The following SLC24A3 variants were observed in gnomAD, a reference collection of about 807,000 sequenced individuals.
SLC24A3 encodes solute carrier family 24 member 3.
In SLC24A3, 28 loss-of-function variants were observed where a neutral mutation model predicts 75.8. The ratio of observed to expected loss-of-function variants is 0.37; its 90% CI spans 0.27 to 0.51. SLC24A3 has a LOEUF of 0.51. Among genes scored for constraint, SLC24A3 ranks in the 20% least tolerant of loss-of-function variants. SLC24A3 has a pLI of 0.94. For missense variants in SLC24A3, 663 were observed against 847.8 expected (o/e 0.78, Z 2.71); for synonymous variants, 372 against 334.1 (o/e 1.11, Z -1.24).
intron 1 of SLC24A3, among the ~76,000 whole-genome samples, chr20:19,223,945 C>G (rs1184456928): frequency 7.2e-5 from 11 of 152,180 alleles, no homozygotes; most frequent in Non-Finnish European, 1.6e-4. Flanking sequence ...AGCATGACAA[C>G]TTGAGATTTT....
chr20:19,320,309 T>C (rs1380220416), intron 2 of SLC24A3, among the ~76,000 whole-genome samples: 1 of 152,228 alleles, frequency 6.6e-6, no homozygotes, highest in African/African-American at 2.4e-5. Context: ...GAAATTAACA[T>C]GAGGGGATGC....
chr20:19,406,724 T>C (rs1329999440), intron 2 of SLC24A3, among the ~76,000 whole-genome samples: 3 of 152,090 alleles, frequency 2.0e-5, no homozygotes, highest in African/African-American at 7.2e-5. Flanking sequence ...GCAGTAGACA[T>C]CACAGCGTGC....
At chr20:19,571,926 C>G (rs1373008596) in intron 3 of SLC24A3, among the ~76,000 whole-genome samples, 3 of 152,136 alleles carry the variant, frequency 2.0e-5, no homozygotes, top group Admixed American at 1.3e-4. Flanking sequence ...AATGTGGGCT[C>G]TCTCAGAAGC....
At chr20:19,420,532 G>A (rs1986900155) in intron 2 of SLC24A3, among the ~76,000 whole-genome samples, 3 of 147,538 alleles carry the variant, frequency 2.0e-5, no homozygotes, top group African/African-American at 7.6e-5. Context: ...TAACTGGTGT[G>A]AGATGATATT....
chr20:19,325,796 A>T (rs1984840502), intron 2 of SLC24A3, among the ~76,000 whole-genome samples: 1 of 46,794 alleles, frequency 2.1e-5, no homozygotes, highest in Non-Finnish European at 3.8e-5. Context: ...ATATATATAT[A>T]GAGAGAGAGA....
At position 19,298,125 on chromosome 20, in the gene SLC24A3, C is replaced by T. The variant is rs143053181; in HGVS notation, c.271+17038C>T. Among the ~76,000 whole-genome samples the T allele has an allele frequency of 3.1e-3, 474 of 152,360 alleles. 2 individuals carry two copies. Among genetic ancestry groups the T allele is most frequent in the African/African-American group, 0.011 (458 of 41,578 alleles). On this transcript the variant is annotated intron_variant, in intron 2 of 16. Transcript: ENST00000328041. ...TCAGTGGCCAGCAGCCTCTTCATTA[C>T]AGACACAGCATCAGAGAGAGAAAAC...
chr20:19,490,047 G>A (rs1988186994), intron 2 of SLC24A3, among the ~76,000 whole-genome samples: 1 of 152,142 alleles, frequency 6.6e-6, no homozygotes, highest in African/African-American at 2.4e-5. Context: ...CTGTTTCTGT[G>A]TTTGTAAACT....
intron 6 of SLC24A3, among the ~76,000 whole-genome samples, chr20:19,629,320 CA>C (rs1482048715): frequency 2.0e-5 from 3 of 152,176 alleles, no homozygotes; most frequent in African/African-American, 7.2e-5. Flanking sequence ...AAAGAATCAG[CA>C]AACTTCAAGA....
chr20:19,523,247 G>A (rs1294871558), intron 3 of SLC24A3, among the ~76,000 whole-genome samples: 1 of 152,154 alleles, frequency 6.6e-6, no homozygotes, highest in Non-Finnish European at 1.5e-5. Flanking sequence ...AAATTTGAGG[G>A]GACCTGCATG....
intron 1 of SLC24A3, among the ~76,000 whole-genome samples, chr20:19,255,452 G>C (rs189454400): frequency 6.6e-6 from 1 of 152,316 alleles, no homozygotes; most frequent in East Asian, 1.9e-4. Flanking sequence ...GACTTCCATG[G>C]ATGTCTGTTT....
intron 2 of SLC24A3, among the ~76,000 whole-genome samples, chr20:19,349,746 T>C (rs969411616): frequency 1.3e-5 from 2 of 152,178 alleles, no homozygotes; most frequent in African/African-American, 4.8e-5. Flanking sequence ...TCCCTATCCC[T>C]TTCTCCTCAC....
chr20:19,423,826 A>G (rs1015017776), intron 2 of SLC24A3, among the ~76,000 whole-genome samples: 4 of 152,166 alleles, frequency 2.6e-5, no homozygotes, highest in Non-Finnish European at 2.9e-5. Context: ...TGTTTAGTGC[A>G]GGATGCCAGG....
intron 12 of SLC24A3, among the ~76,000 whole-genome samples, chr20:19,689,122 T>C (rs1259138543): frequency 2.6e-5 from 4 of 152,136 alleles, no homozygotes; most frequent in African/African-American, 9.7e-5. Flanking sequence ...CACATTTCCA[T>C]GGGAAAGAAA....
intron 1 of SLC24A3, among the ~76,000 whole-genome samples, chr20:19,233,937 A>G (rs1219305600): frequency 6.6e-6 from 1 of 152,184 alleles, no homozygotes; most frequent in East Asian, 1.9e-4. Flanking sequence ...ATTTCTCTCT[A>G]ATTTGATTAT....
At chr20:19,336,407 A>T (rs999381292) in intron 2 of SLC24A3, among the ~76,000 whole-genome samples, 17 of 149,974 alleles carry the variant, frequency 1.1e-4, no homozygotes, top group African/African-American at 2.5e-4. Context: ...TTATTTATTT[A>T]TTTTTTTGAG....
chr20:19,502,244 T>A (rs1988395133), intron 2 of SLC24A3, among the ~76,000 whole-genome samples: 1 of 151,852 alleles, frequency 6.6e-6, no homozygotes, highest in Non-Finnish European at 1.5e-5. Flanking sequence ...TTGGGGGAAA[T>A]CTCAGAAAGA....
At chr20:19,519,372 T>G (rs942366649) in intron 3 of SLC24A3, among the ~76,000 whole-genome samples, 2 of 152,218 alleles carry the variant, frequency 1.3e-5, no homozygotes, top group Non-Finnish European at 2.9e-5. Flanking sequence ...GCTTTGTGTG[T>G]GTTTTGTGTG....
At chr20:19,279,423 T>A (rs1983591262) in intron 1 of SLC24A3, among the ~76,000 whole-genome samples, 1 of 152,222 alleles carries the variant, frequency 6.6e-6, no homozygotes, top group Non-Finnish European at 1.5e-5. Context: ...CATGGCCCCA[T>A]GAAGCCAGGC....
intron 6 of SLC24A3, among the ~76,000 whole-genome samples, chr20:19,613,981 C>A (rs2031704241): frequency 6.6e-6 from 1 of 152,232 alleles, no homozygotes; most frequent in African/African-American, 2.4e-5. Context: ...AGACTGTTGA[C>A]ATCCTTTTAA....
Sources: gnomAD v4.1 joint callset for allele counts (sites outside exome capture counted in the v4.1 genomes callset) on GRCh38, gnomAD v4.1.1 for gene constraint, MANE v1.5 for transcripts, NCBI Gene and HGNC (gene_info 2026-07-23, HGNC 2026-07-21) for gene names.